Variants in AKNA observed in about 807,000 individuals in gnomAD.
AKNA encodes microtubule organization protein AKNA.
A neutral mutation model predicts 138.8 loss-of-function variants in AKNA; 67 were observed. The observed-to-expected ratio is 0.48, with a 90% CI of 0.40 to 0.59. The LOEUF (loss-of-function observed/expected upper bound fraction) is 0.59, where lower values mean the gene tolerates loss of function less well. AKNA is among the 20% of genes least tolerant of loss of function. The pLI, the probability that AKNA is intolerant of heterozygous loss-of-function variation, is 0.00. For missense variants in AKNA, 1,813 were observed against 1,880.4 expected (o/e 0.96, Z 0.66); for synonymous variants, 737 against 754.4 (o/e 0.98, Z 0.38).
Position 114,367,608 on chromosome 9 carries a change from C to T in AKNA, c.1663G>A (p.Glu555Lys). ...GWLPENRDISEDQSSAEQTQA... is the reference protein window; with the variant it reads ...GWLPENRDISKDQSSAEQTQA... ...GTCTGCTCTGCTGAGGACTGGTCCT[C>T]AGAGATGTCCCGGTTCTCCGGAAGC... is the stretch of plus-strand genomic sequence containing the variant. Residue 555 changes from glutamate to lysine, a missense_variant, in exon 6 of 22, where the codon GAG becomes AAG. Glu to Lys is a moderately conservative substitution (Grantham distance 56). Coordinates refer to ENST00000374088, the MANE Select transcript of AKNA (RefSeq NM_001317950.2). 1.2e-6 allele frequency: 2 copies of T among 1,610,062 alleles called. No homozygotes were observed. Among genetic ancestry groups the T allele is most frequent in the Non-Finnish European group, 1.7e-6 (2 of 1,176,832 alleles).
chr9:114,339,241 G>T (rs369437128), intron 21 of AKNA, among the ~76,000 whole-genome samples: 2 of 152,178 alleles, frequency 1.3e-5, no homozygotes, highest in African/African-American at 4.8e-5. Context: ...CTCTGGGCTG[G>T]AAAGTCTCGG....
In AKNA at chr9:114,368,529, TC is replaced by T; in HGVS notation, c.1482del (p.Thr495ProfsTer39). On this transcript the variant is annotated frameshift_variant, in exon 5 of 22. Coordinates refer to ENST00000374088, the MANE Select transcript of AKNA (RefSeq NM_001317950.2). LOFTEE classifies it high-confidence loss of function. ...GGGATGGTGAAGGACAAGACCTTGG[TC>T]CCCTGGGGCACCATTCCCGTGTGGA... is the stretch of plus-strand genomic sequence containing the variant. ...HSIHTGMVPQ[G>X]TKVLSFTIPQ... is the part of the protein sequence containing the mutation. 1 of 1,379,528 alleles carries T rather than the reference TC, an allele frequency of 7.2e-7. No individual in the cohort carries two copies. Among genetic ancestry groups the T allele is most frequent in the Non-Finnish European group, 9.4e-7 (1 of 1,058,782 alleles). 85.5% of individuals were successfully genotyped at this position (1,379,528 alleles called of 1,614,324 possible). A position where few individuals can be genotyped will look rare whatever the true frequency, so the allele number is the denominator to read the frequency against.
chr9:114,394,127 C>T (rs1170104718), intron 1 of AKNA, among the ~76,000 whole-genome samples: 6 of 151,584 alleles, frequency 4.0e-5, no homozygotes, highest in South Asian at 2.1e-4. Flanking sequence ...GAGCCAAGAT[C>T]GTGCCACCCC....
downstream of AKNA, chr9:114,332,984 T>C: frequency 1.3e-6 from 2 of 1,584,016 alleles, no homozygotes; most frequent in Non-Finnish European, 1.7e-6. Flanking sequence ...AGGCCAGAGC[T>C]CATTCTGCCC....
chr9:114,374,195 C>T (rs1287167092), intron 3 of AKNA, 28 bp from the exon 4 acceptor site: 35 of 1,548,682 alleles, frequency 2.3e-5, no homozygotes, highest in Non-Finnish European at 2.8e-5. Context: ...AACACGGTCA[C>T]ATGCGCAGGC....
downstream of AKNA, chr9:114,330,890 T>C (rs377291588): frequency 6.3e-7 from 1 of 1,597,582 alleles, no homozygotes; most frequent in Non-Finnish European, 8.6e-7. Context: ...GGCAGGAGGG[T>C]TCACCGTGGG....
At chr9:114,331,496 C>A, downstream of AKNA, 1 of 1,277,806 alleles carries the variant, frequency 7.8e-7, no homozygotes, top group Non-Finnish European at 1.1e-6. Context: ...ACACCTAGGA[C>A]TCCTCACCTG....
rs986445354 is a variant in AKNA at position 114,335,795 on chromosome 9, GAAAAAAGAAAA to G, written c.*1248_*1258del. ...TCAAAAAAAAAAAAAAAAAGAAAAAGAAAAAAGAAAAAAAAAAGAAAGAAAGGAGCACTGGA... is the reference window on the plus strand; with the variant it reads ...TCAAAAAAAAAAAAAAAAAGAAAAAGAAAAAAGAAAGAAAGGAGCACTGGA... On this transcript the variant is annotated 3_prime_UTR_variant, in exon 22 of 22. Coordinates refer to ENST00000374088, the MANE Select transcript of AKNA (RefSeq NM_001317950.2). The G allele has an allele frequency of 2.2e-5, 3 of 137,994 alleles. No individual in the cohort carries two copies. Among genetic ancestry groups the G allele is most frequent in the African/African-American group, 7.6e-5 (3 of 39,404 alleles). 8.5% of individuals were successfully genotyped at this position (137,994 alleles called of 1,614,324 possible).
intron 16 of AKNA, among the ~76,000 whole-genome samples, chr9:114,347,410 G>A (rs1242754751): frequency 6.6e-6 from 1 of 152,132 alleles, no homozygotes; most frequent in Non-Finnish European, 1.5e-5. Context: ...AGTAGAGACA[G>A]GGTTTCACCA....
Position 114,337,013 on chromosome 9 carries a change from G to C in AKNA, c.*41C>G. 6 of 1,185,370 alleles carry C rather than the reference G, an allele frequency of 5.1e-6. No homozygotes were observed. The South Asian group carries it at 7.4e-5, about 15-fold the overall frequency. 73.4% of individuals were successfully genotyped at this position (1,185,370 alleles called of 1,614,324 possible). A position where few individuals can be genotyped will look rare whatever the true frequency, so the allele number is the denominator to read the frequency against. On this transcript the variant is annotated 3_prime_UTR_variant, in exon 22 of 22. Coordinates refer to ENST00000374088, the MANE Select transcript of AKNA (RefSeq NM_001317950.2). Reference sequence around the variant, plus strand: ...CCACTCCTGGCCTGGCAGGCCACCTGCCCACCCACCCACCCATCTGCCTCT... The same window carrying C: ...CCACTCCTGGCCTGGCAGGCCACCTCCCCACCCACCCACCCATCTGCCTCT...
In AKNA at chr9:114,380,811, T is replaced by TAA. The variant is rs1383253282; in HGVS notation, c.274+247_274+248dup. On this transcript the variant is annotated intron_variant, in intron 2 of 21. Transcript: ENST00000374088. ...CAACATGGTGAAACCCCGTCTCTACTAAAAAAAGAAAAAAAAAAAAATACA... is the reference window on the plus strand; with the variant it reads ...CAACATGGTGAAACCCCGTCTCTACTAAAAAAAAAGAAAAAAAAAAAAATACA... Among the ~76,000 whole-genome samples the TAA allele has an allele frequency of 9.7e-3, 891 of 92,308 alleles. 22 individuals carry two copies. The highest frequency in any genetic ancestry group is 0.031 in the African/African-American group (841 of 26,886). 60.6% of individuals were successfully genotyped at this position (92,308 alleles called of 152,430 possible).
chr9:114,352,491 C>T (rs1048698862), intron 14 of AKNA, among the ~76,000 whole-genome samples: 4 of 151,466 alleles, frequency 2.6e-5, no homozygotes, highest in Non-Finnish European at 4.4e-5. Flanking sequence ...CAGCTACTCG[C>T]GAGGCTGAGG....
chr9:114,372,329 C>T (rs979499428), intron 4 of AKNA, among the ~76,000 whole-genome samples: 5 of 152,246 alleles, frequency 3.3e-5, no homozygotes, highest in Admixed American at 6.5e-5. Context: ...AGGGTGACTA[C>T]ACATGGGGGG....
Position 114,335,116 on chromosome 9 carries a change from T to C in AKNA, c.*1938A>G, listed in dbSNP as rs140116800. On this transcript the variant is annotated 3_prime_UTR_variant, in exon 22 of 22. Transcript: ENST00000374088. ...AAAATGAAACAGAAATGAGTCATGA[T>C]GGGCAGAGCAGGGAGAAGCAAGGGA... The C allele has an allele frequency of 1.8e-4, 28 of 152,314 alleles. No individual in the cohort carries two copies. The highest frequency in any genetic ancestry group is 6.3e-4 in the African/African-American group (26 of 41,542). 9.4% of individuals were successfully genotyped at this position (152,314 alleles called of 1,614,324 possible). A position where few individuals can be genotyped will look rare whatever the true frequency, so the allele number is the denominator to read the frequency against.
In AKNA at chr9:114,361,733, T is replaced by C. The variant is rs569558270; in HGVS notation, c.2095A>G (p.Met699Val). 12 of 1,613,344 alleles carry C rather than the reference T, an allele frequency of 7.4e-6. No homozygotes were observed. The South Asian group carries it at 8.8e-5, about 12-fold the overall frequency. ...HLPAPSGQAPMPAIKTSCPEP... is the reference protein window; with the variant it reads ...HLPAPSGQAPVPAIKTSCPEP... ...GGGCAGGAGGTCTTGATGGCTGGCA[T>C]GGGGGCTTGTCCAGAAGGAGCAGGC... Residue 699 changes from methionine to valine, a missense_variant, in exon 9 of 22, where the codon ATG becomes GTG. Physicochemically the swap from Met to Val is conservative, Grantham distance 21. Transcript: ENST00000374088.
At chr9:114,397,110 CG>C (rs1215354460), upstream of AKNA, among the ~76,000 whole-genome samples, 1 of 152,180 alleles carries the variant, frequency 6.6e-6, no homozygotes, top group East Asian at 1.9e-4. Flanking sequence ...AAATGCAAAC[CG>C]GCTGGACTTT....
intron 4 of AKNA, among the ~76,000 whole-genome samples, chr9:114,372,227 G>A (rs1005996838): frequency 3.3e-5 from 5 of 152,172 alleles, no homozygotes; most frequent in African/African-American, 1.2e-4. Flanking sequence ...TTTCCAGAAA[G>A]CGGGAGTGAG....
rs1830627166 is a variant in AKNA, at chr9:114,345,588, G to A, written c.3661+275C>T. The A allele has an allele frequency of 3.4e-5, 12 of 352,370 alleles. No individual in the cohort carries two copies. The South Asian group carries it at 4.8e-4, about 14-fold the overall frequency. 21.8% of individuals were successfully genotyped at this position (352,370 alleles called of 1,614,324 possible). A position where few individuals can be genotyped will look rare whatever the true frequency, so the allele number is the denominator to read the frequency against. On this transcript the variant is annotated intron_variant, in intron 18 of 21. Transcript: ENST00000374088. ...GCACAGGTGATCAGAACTTCTTTAG[G>A]ATTGACCAGCTGAACAGACTTCCCA... is the stretch of plus-strand genomic sequence containing the variant.
In AKNA at chr9:114,336,785, A is replaced by C; in HGVS notation, c.*269T>G. On this transcript the variant is annotated 3_prime_UTR_variant, in exon 22 of 22. Transcript: ENST00000374088. ...ATGCAGGACCAGGAGAGACTGCCTG[A>C]GGTTCTGCCTGGACCGAAGGAGGCC... is the stretch of plus-strand genomic sequence containing the variant. 2.5e-6 allele frequency: 1 copy of C among 405,794 alleles called. No homozygotes were observed. The highest frequency in any genetic ancestry group is 3.6e-5 in the East Asian group (1 of 28,048). The allele number at this position is 405,794 out of a possible 1,614,324, so 25.1% of individuals were successfully genotyped here. A position where few individuals can be genotyped will look rare whatever the true frequency, so the allele number is the denominator to read the frequency against.
Sources: allele counts gnomAD v4.1 joint callset (sites outside exome capture counted in the v4.1 genomes callset), GRCh38; gene constraint gnomAD v4.1.1; transcripts MANE v1.5; gene names NCBI Gene and HGNC (gene_info 2026-07-23, HGNC 2026-07-21).